Variants in RAB37 observed in about 807,000 individuals in gnomAD.
RAB37 encodes ras-related protein Rab-37.
RAB37 carries 29 observed loss-of-function variants against 33.1 expected under a neutral mutation model. The observed-to-expected ratio is 0.88, with a 90% CI of 0.65 to 1.20. RAB37 has a LOEUF of 1.20. Among genes scored for constraint, RAB37 ranks in the 50% most tolerant of loss-of-function variants. RAB37 has a pLI of 0.00. For missense variants in RAB37, 299 were observed against 301.1 expected (o/e 0.99, Z 0.05); for synonymous variants, 128 against 119.5 (o/e 1.07, Z -0.47).
At position 74,743,342 on chromosome 17, in the gene RAB37, T is replaced by A; in HGVS notation, c.366+2T>A. ...AAATCTTCTTTCGACAACATCAGGG[T>A]AGGTCCTCCCTTCCCCTGACTCCCA... is the stretch of plus-strand genomic sequence containing the variant. On this transcript the variant is annotated splice_donor_variant, in intron 5 of 8. Transcript: ENST00000392613. LOFTEE classifies it high-confidence loss of function. The A allele has an allele frequency of 6.2e-7, 1 of 1,613,850 alleles. No individual in the cohort carries two copies. The highest frequency in any genetic ancestry group is 8.5e-7 in the Non-Finnish European group (1 of 1,179,834).
At chr17:74,679,931 T>C (rs1473291782) in intron 1 of RAB37, among the ~76,000 whole-genome samples, 1 of 147,314 alleles carries the variant, frequency 6.8e-6, no homozygotes, top group Admixed American at 6.9e-5. Context: ...TGAGCTGAGA[T>C]TGCGACACTG....
Position 74,704,714 on chromosome 17 carries a change from T to C in RAB37, c.73-24542T>C, listed in dbSNP as rs1410048815. The C allele has an allele frequency of 1.9e-6, 3 of 1,614,146 alleles. No individual in the cohort carries two copies. The South Asian group carries it at 3.3e-5, about 18-fold the overall frequency. On this transcript the variant is annotated intron_variant, in intron 1 of 7. Transcript: ENST00000340415. ...AGCTCCTCGACACCACCACTTCAAG[T>C]AGGTCTCCCAGCCTGATCTGTAAAC...
At position 74,740,765 on chromosome 17, in the gene RAB37, T is replaced by C; in HGVS notation, c.94-3T>C. On this transcript the variant is annotated splice_region_variant and splice_polypyrimidine_tract_variant and intron_variant, in intron 1 of 8. Coordinates refer to ENST00000392613, the MANE Select transcript of RAB37 (RefSeq NM_001006638.3). The stretch of plus-strand genomic sequence containing the variant: ...ATTAACTGCCTCTGCCCCTACCCCC[T>C]AGGTGATGCTTCTGGGAGACACAGG... 6.2e-7 allele frequency: 1 copy of C among 1,609,556 alleles called. No homozygotes were observed. The highest frequency in any genetic ancestry group is 8.5e-7 in the Non-Finnish European group (1 of 1,176,032).
Position 74,674,901 on chromosome 17 carries a change from G to A in RAB37, c.72+3243G>A, listed in dbSNP as rs2031791112. Among the ~76,000 whole-genome samples the A allele has an allele frequency of 2.0e-5, 3 of 152,128 alleles. No individual in the cohort carries two copies. In the South Asian group the frequency reaches 6.2e-4, roughly 32 times the overall value. On this transcript the variant is annotated intron_variant, in intron 1 of 7. Transcript: ENST00000340415. ...AGAAGCATCATCTTGTGTTTTGACA[G>A]CACAGCAGATGTTATGTAGGGTAGT...
rs776264131 is a variant in RAB37, at chr17:74,743,357, C to T, written c.366+17C>T. 5 of 1,613,640 alleles carry T rather than the reference C, an allele frequency of 3.1e-6. No individual in the cohort carries two copies. Among genetic ancestry groups the T allele is most frequent in the East Asian group, 4.5e-5 (2 of 44,888 alleles). On this transcript the variant is annotated intron_variant, in intron 5 of 8. Transcript: ENST00000392613. ...AACATCAGGGTAGGTCCTCCCTTCC[C>T]CTGACTCCCACCCATAAGCAGCCAA...
At chr17:74,680,900 T>C (rs1019077872) in intron 1 of RAB37, among the ~76,000 whole-genome samples, 1 of 152,190 alleles carries the variant, frequency 6.6e-6, no homozygotes, top group African/African-American at 2.4e-5. Flanking sequence ...GCAAGAACCA[T>C]GGAAGAGTAG....
At chr17:74,677,404 T>G (rs1285728213) in intron 1 of RAB37, 1 of 152,194 alleles carries the variant, frequency 6.6e-6, no homozygotes, top group African/African-American at 2.4e-5. Context: ...CTTTTATTTT[T>G]TTTTCGATGA....
In RAB37 at chr17:74,740,842, C is replaced by T. The variant is rs544908746; in HGVS notation, c.168C>T (p.Ser56=). ...LIQFKDGAFL[S]GTFIATVGID... ...AATTCAAAGACGGGGCCTTCCTGTC[C>T]GGAACCTTCATAGCCACCGTCGGCA... is the stretch of plus-strand genomic sequence containing the variant. The change falls in exon 2 of 9, where the codon TCC becomes TCT. Residue 56 remains serine, a synonymous_variant. Transcript: ENST00000392613. 98 of 1,614,060 alleles carry T rather than the reference C, an allele frequency of 6.1e-5. No homozygotes were observed. The South Asian group carries it at 7.9e-4, about 13-fold the overall frequency.
At chr17:74,702,897 G>A in intron 1 of RAB37, 1 of 678,450 alleles carries the variant, frequency 1.5e-6, no homozygotes, top group East Asian at 2.7e-5. Context: ...CAAGTGGGAA[G>A]GGCTCCCAGC....
chr17:74,737,085 CT>C (rs763857744), upstream of RAB37: 1 of 1,605,826 alleles, frequency 6.2e-7, no homozygotes, highest in Non-Finnish European at 8.5e-7. Context: ...CACGCAGACC[CT>C]GCGGCTCTGC....
upstream of RAB37, chr17:74,737,090 GCTCTGCGTGCCC>G: frequency 6.2e-7 from 1 of 1,605,436 alleles, no homozygotes; most frequent in Non-Finnish European, 8.5e-7. Flanking sequence ...AGACCCTGCG[GCTCTGCGTGCCC>G]TCAGGGAACA....
At chr17:74,692,108 C>A (rs550345321) in intron 1 of RAB37, among the ~76,000 whole-genome samples, 1 of 152,052 alleles carries the variant, frequency 6.6e-6, no homozygotes, top group Non-Finnish European at 1.5e-5. Flanking sequence ...CCTTGTGATC[C>A]GCCCACCTCG....
chr17:74,725,765 A>G (rs557247486), intron 1 of RAB37, among the ~76,000 whole-genome samples: 1 of 152,040 alleles, frequency 6.6e-6, no homozygotes, highest in Admixed American at 6.5e-5. Flanking sequence ...CTGGGATTAC[A>G]GGTGCCTGCC....
Position 74,745,676 on chromosome 17 carries a change from C to T in RAB37, c.*265C>T, listed in dbSNP as rs541531614. ...AAAGGCGCCTGGATCCCCAAAAAAC[C>T]GAGGCTGGGAGCTAGTGGCCCTTTT... On this transcript the variant is annotated 3_prime_UTR_variant, in exon 9 of 9. Transcript: ENST00000392613. This position sits in a 1 kb window ranked among gnomAD's most constrained non-coding sequence, Gnocchi z 4.5. 3.3e-4 allele frequency: 123 copies of T among 370,888 alleles called. No individual in the cohort carries two copies. The highest frequency in any genetic ancestry group is 2.3e-3 in the African/African-American group (111 of 47,324). 23.0% of individuals were successfully genotyped at this position (370,888 alleles called of 1,614,324 possible). A position where few individuals can be genotyped will look rare whatever the true frequency, so the allele number is the denominator to read the frequency against.
Position 74,742,370 on chromosome 17 carries a change from CCT to C in RAB37, c.246+76_246+77del. On this transcript the variant is annotated intron_variant, in intron 3 of 8. Transcript: ENST00000392613. The surrounding 1 kb of genome is among the most constrained non-coding windows in gnomAD (Gnocchi z 4.0). The stretch of plus-strand genomic sequence containing the variant: ...CCTTCTCACCCTGAACCACAGGAGG[CCT>C]GCAGCCCTGCCCTCCGCCTGGGGCA... 1 of 1,196,424 alleles carries C rather than the reference CCT, an allele frequency of 8.4e-7. No individual in the cohort carries two copies. The highest frequency in any genetic ancestry group is 1.2e-6 in the Non-Finnish European group (1 of 827,300). The allele number at this position is 1,196,424 out of a possible 1,614,324, so 74.1% of individuals were successfully genotyped here. A position where few individuals can be genotyped will look rare whatever the true frequency, so the allele number is the denominator to read the frequency against.
chr17:74,727,806 C>CTTTAGTT (rs2034323986), intron 1 of RAB37, among the ~76,000 whole-genome samples: 1 of 151,902 alleles, frequency 6.6e-6, no homozygotes, highest in African/African-American at 2.4e-5. Flanking sequence ...GTTTGTGTGT[C>CTTTAGTT]TGGGTGTATG....
intron 1 of RAB37, among the ~76,000 whole-genome samples, chr17:74,739,870 C>CTA (rs908011497): frequency 2.6e-5 from 4 of 152,172 alleles, no homozygotes; most frequent in African/African-American, 9.6e-5. Context: ...TCATTAGAAA[C>CTA]TTCCAGTCAG....
intron 1 of RAB37, among the ~76,000 whole-genome samples, chr17:74,718,065 G>A (rs1394699979): frequency 1.3e-5 from 2 of 152,166 alleles, no homozygotes; most frequent in Non-Finnish European, 1.5e-5. Context: ...GGAGGCCAAG[G>A]CAGGCAGATC....
At position 74,713,035 on chromosome 17, in the gene RAB37, C is replaced by T. The variant is rs143484881; in HGVS notation, c.73-16221C>T. On this transcript the variant is annotated intron_variant, in intron 1 of 7. Coordinates refer to the RAB37 transcript ENST00000340415. ...AGGAAGGAGGTGGTTGGTTGGGCAC[C>T]GTGGCTCAGGCCTGTAATCCTGGCA... 98 of 673,042 alleles carry T rather than the reference C, an allele frequency of 1.5e-4. No homozygotes were observed. The East Asian group carries it at 2.6e-3, about 18-fold the overall frequency. The allele number at this position is 673,042 out of a possible 1,614,324, so 41.7% of individuals were successfully genotyped here.
Sources: gnomAD v4.1 joint callset for allele counts (sites outside exome capture counted in the v4.1 genomes callset) on GRCh38, gnomAD v4.1.1 for gene constraint, Gnocchi (gnomAD v3.1) non-coding constraint, MANE v1.5 for transcripts, NCBI Gene and HGNC (gene_info 2026-07-23, HGNC 2026-07-21) for gene names.